The following KIAA0586 variants were observed in gnomAD, a reference collection of about 807,000 sequenced individuals.
The protein encoded by KIAA0586 is KIAA0586.
Under a neutral mutation model 169.8 loss-of-function variants are expected in KIAA0586, and 144 were observed. That is an observed-to-expected ratio of 0.85 (90% CI 0.74 to 0.97). The LOEUF is 0.97. KIAA0586 is among the 50% of genes least tolerant of loss of function. KIAA0586 has a pLI of 0.00. For synonymous variants in KIAA0586, 625 were observed against 612.4 expected (o/e 1.02, Z -0.30); for missense variants, 1,854 against 1,823.0 (o/e 1.02, Z -0.31).
Position 58,472,278 on chromosome 14 carries a change from A to G in KIAA0586, c.2633A>G (p.Gln878Arg). 11 of 1,525,754 alleles carry G rather than the reference A, an allele frequency of 7.2e-6. No homozygotes were observed. The highest frequency in any genetic ancestry group is 8.9e-6 in the Non-Finnish European group (10 of 1,129,306). 94.5% of individuals were successfully genotyped at this position (1,525,754 alleles called of 1,614,324 possible). ...TTTGATGAAATAATCGATGTCATAC[A>G]GGTAACAAAGCTTAGAAACCATGAG... The part of the protein sequence containing the change: ...TNFDEIIDVI[Q>R]EEEKCDEIPD... The change falls in exon 18 of 31, where the codon CAG becomes CGG. Residue 878 changes from glutamine to arginine, a missense_variant and splice_region_variant. Gln to Arg is a conservative substitution (Grantham distance 43). Transcript: ENST00000652326.
intron 29 of KIAA0586, chr14:58,521,640 A>G: frequency 2.9e-6 from 3 of 1,044,024 alleles, no homozygotes; most frequent in South Asian, 2.5e-5. Context: ...GGAAAGTTGA[A>G]AGGAGATGAC....
Position 58,448,470 on chromosome 14 carries a change from AT to A in KIAA0586, c.939del (p.Tyr313Ter). 1 of 1,608,920 alleles carries A rather than the reference AT, an allele frequency of 6.2e-7. No homozygotes were observed. Among genetic ancestry groups the A allele is most frequent in the Non-Finnish European group, 8.5e-7 (1 of 1,177,414 alleles). On this transcript the variant is annotated frameshift_variant, in exon 7 of 31. Transcript: ENST00000652326. LOFTEE classifies it high-confidence loss of function. ...CTTGGTAGCTGTAATCCATCTTTAT[AT>A]AACACATTTGCTTCCAAACAAGGTA... ...PNLGSCNPSL[Y>X]NTFASKQAPL... is the part of the protein sequence containing the mutation.
At chr14:58,433,675 T>G (rs2037567131) in intron 4 of KIAA0586, among the ~76,000 whole-genome samples, 1 of 152,018 alleles carries the variant, frequency 6.6e-6, no homozygotes, top group Non-Finnish European at 1.5e-5. Context: ...GGACAAAGAG[T>G]CTAAACAGTC....
At chr14:58,464,319 A>G (rs1249376861) in intron 14 of KIAA0586, among the ~76,000 whole-genome samples, 1 of 4,140 alleles carries the variant, frequency 2.4e-4, no homozygotes, top group Non-Finnish European at 0.017. Context: ...TTAGTTTATA[A>G]AGGTTTATCC....
intron 6 of KIAA0586, among the ~76,000 whole-genome samples, chr14:58,445,149 A>T (rs998442362): frequency 6.6e-6 from 1 of 151,406 alleles, no homozygotes. Flanking sequence ...ACACACACAC[A>T]TATACACATA....
intron 5 of KIAA0586, 68 bp downstream of exon 5, chr14:58,442,948 T>A: frequency 8.8e-7 from 1 of 1,142,488 alleles, no homozygotes. Context: ...AAGAACTGAT[T>A]CTATAAATGG....
chr14:58,527,990 C>T (rs1380202026), intron 29 of KIAA0586, among the ~76,000 whole-genome samples: 5 of 151,738 alleles, frequency 3.3e-5, no homozygotes, highest in Non-Finnish European at 2.9e-5. Context: ...CAGATAGGCT[C>T]AAAATAAAGG....
At chr14:58,544,852 A>G (rs2046884830) in intron 30 of KIAA0586, among the ~76,000 whole-genome samples, 1 of 152,200 alleles carries the variant, frequency 6.6e-6, no homozygotes, top group Non-Finnish European at 1.5e-5. Context: ...CATTTCTCCT[A>G]TCCAAACAAT....
chr14:58,561,484 C>A, the KIAA0586 span, among the ~76,000 whole-genome samples: 2 of 152,280 alleles, frequency 1.3e-5, no homozygotes, highest in East Asian at 3.9e-4. Flanking sequence ...ATTGGCCCTT[C>A]TTTGCCACCT....
In KIAA0586 at chr14:58,470,695, CT is replaced by C; in HGVS notation, c.2526del (p.Leu843PhefsTer8). The C allele has an allele frequency of 6.3e-7, 1 of 1,599,538 alleles. No individual in the cohort carries two copies. The highest frequency in any genetic ancestry group is 8.6e-7 in the Non-Finnish European group (1 of 1,167,036). ...CCTCTGTCTAGCCCCAAAGAAGCAT[CT>C]CTTCCTCCTGTGCAAACTTGGATAA... ...LSPLSSPKEA[S>X]LPPVQTWIKT... is the part of the protein sequence containing the mutation. On this transcript the variant is annotated frameshift_variant, in exon 17 of 31. Coordinates refer to ENST00000652326, the MANE Select transcript of KIAA0586 (RefSeq NM_001329943.3). LOFTEE classifies it high-confidence loss of function.
intron 18 of KIAA0586, among the ~76,000 whole-genome samples, chr14:58,472,616 T>C (rs1316205501): frequency 1.3e-5 from 2 of 151,902 alleles, no homozygotes; most frequent in African/African-American, 4.8e-5. Flanking sequence ...TTTGGATTCA[T>C]GGTGAGGTGA....
rs757991060 is a variant in KIAA0586 at position 58,486,999 on chromosome 14, T to C, written c.3145-8T>C. ...TAAACACAGTTTATCTTGTTTTATT[T>C]ATTTTAGGCAAGAGTGTGCACCCCA... On this transcript the variant is annotated splice_region_variant and splice_polypyrimidine_tract_variant and intron_variant, in intron 21 of 30. Coordinates refer to ENST00000652326, the MANE Select transcript of KIAA0586 (RefSeq NM_001329943.3). 43 of 1,582,572 alleles carry C rather than the reference T, an allele frequency of 2.7e-5. No individual in the cohort carries two copies. The South Asian group carries it at 4.8e-4, about 18-fold the overall frequency.
intron 21 of KIAA0586, 62 bp from the exon 22 acceptor site, chr14:58,486,945 T>C: frequency 7.3e-7 from 1 of 1,366,838 alleles, no homozygotes; most frequent in African/African-American, 1.5e-5. Flanking sequence ...GTTCATATTA[T>C]TTTCAAATTA....
intron 7 of KIAA0586, among the ~76,000 whole-genome samples, chr14:58,449,127 T>C (rs2039144023): frequency 6.6e-6 from 1 of 152,244 alleles, no homozygotes; most frequent in South Asian, 2.1e-4. Context: ...CTACTATCCC[T>C]TTAATGATAT....
intron 6 of KIAA0586, among the ~76,000 whole-genome samples, chr14:58,447,550 G>A (rs918084395): frequency 3.3e-5 from 5 of 150,912 alleles, no homozygotes; most frequent in South Asian, 2.1e-4. Flanking sequence ...GCACCATTTC[G>A]GCTCACTGCC....
chr14:58,538,729 T>C, intron 29 of KIAA0586, among the ~76,000 whole-genome samples: 1 of 151,590 alleles, frequency 6.6e-6, no homozygotes, highest in Admixed American at 6.6e-5. Context: ...CCGCTCTCAC[T>C]ACCATTCCCA....
chr14:58,430,558 A>G (rs1357347803), intron 2 of KIAA0586, 90 bp from the exon 3 acceptor site: 2 of 731,062 alleles, frequency 2.7e-6, no homozygotes, highest in Non-Finnish European at 4.7e-6. Context: ...CCCTCCCAGA[A>G]CACAGTAGTC....
the KIAA0586 span, among the ~76,000 whole-genome samples, chr14:58,561,392 G>T: frequency 1.3e-5 from 2 of 152,224 alleles, no homozygotes; most frequent in East Asian, 1.9e-4. Flanking sequence ...ACACAGAAGG[G>T]TTTTTTTGAT....
At chr14:58,512,743 T>G (rs549610352) in intron 29 of KIAA0586, 116 bp downstream of exon 29, 1 of 611,610 alleles carries the variant, frequency 1.6e-6, no homozygotes, top group Non-Finnish European at 2.8e-6. Context: ...TTTGTTTTCT[T>G]TTGTTTTCTC....
Sources: gnomAD v4.1 joint callset for allele counts (sites outside exome capture counted in the v4.1 genomes callset) on GRCh38, gnomAD v4.1.1 for gene constraint, MANE v1.5 for transcripts, NCBI Gene and HGNC (gene_info 2026-07-23, HGNC 2026-07-21) for gene names.